MOCOS: variants seen among roughly 807,000 people sequenced by gnomAD.
The protein encoded by MOCOS is human molybdenum cofactor sulfurase.
MOCOS carries 86 observed loss-of-function variants against 83.6 expected under a neutral mutation model. The ratio of observed to expected loss-of-function variants is 1.03; its 90% CI spans 0.86 to 1.23. The LOEUF (loss-of-function observed/expected upper bound fraction) is 1.23. MOCOS is among the 50% of genes most tolerant of loss of function. MOCOS has a pLI of 0.00. For missense variants in MOCOS, 1,120 were observed against 1,126.9 expected (o/e 0.99, Z 0.09); for synonymous variants, 445 against 434.7 (o/e 1.02, Z -0.29).
chr18:36,246,300 T>C (rs2091601854), intron 9 of MOCOS, among the ~76,000 whole-genome samples: 1 of 152,216 alleles, frequency 6.6e-6, no homozygotes, highest in African/African-American at 2.4e-5. Context: ...ATTCACATTC[T>C]TTTGTCCCAG....
chr18:36,196,501 C>T (rs1370544160), intron 2 of MOCOS, among the ~76,000 whole-genome samples: 4 of 152,110 alleles, frequency 2.6e-5, no homozygotes, highest in African/African-American at 7.2e-5. Flanking sequence ...CCTTAGCCTC[C>T]ACCAGAGTGC....
At chr18:36,221,261 T>C (rs2091494898) in intron 9 of MOCOS, among the ~76,000 whole-genome samples, 1 of 152,248 alleles carries the variant, frequency 6.6e-6, no homozygotes, top group South Asian at 2.1e-4. Context: ...AATAGCTACG[T>C]GTAGCTATGC....
rs2091473667 is a variant in MOCOS at position 36,215,709 on chromosome 18, C to T, written c.1529C>T (p.Ala510Val). ...CATGCTGACACCGGGGAGACTGGAG[C>T]CCCATCAGCAGACAGCCAGGCTGAT... ...QAHADTGETG[A>V]PSADSQADVI... Residue 510 changes from alanine (A) to valine (V), a missense_variant, in exon 8 of 15, where the codon GCC becomes GTC. Coordinates refer to ENST00000261326, the MANE Select transcript of MOCOS (RefSeq NM_017947.4). 8 of 1,614,044 alleles carry T rather than the reference C, an allele frequency of 5.0e-6. No homozygotes were observed. Among genetic ancestry groups the T allele is most frequent in the Admixed American group, 1.7e-5 (1 of 60,010 alleles).
intron 8 of MOCOS, among the ~76,000 whole-genome samples, chr18:36,218,477 C>A (rs75043779): frequency 0.024 from 3,687 of 152,210 alleles, 91 homozygotes; most frequent in Non-Finnish European, 0.038. Context: ...TGCTGAAAGA[C>A]TTCTTACTTG....
chr18:36,197,464 C>G (rs2091393604), intron 2 of MOCOS, among the ~76,000 whole-genome samples: 2 of 144,066 alleles, frequency 1.4e-5, no homozygotes, highest in African/African-American at 5.1e-5. Flanking sequence ...TTTTTTTTAA[C>G]TATATCATAA....
chr18:36,187,871 T>C (rs1476660633), intron 1 of MOCOS, among the ~76,000 whole-genome samples, 190 bp downstream of exon 1: 2 of 152,206 alleles, frequency 1.3e-5, no homozygotes, highest in African/African-American at 4.8e-5. Flanking sequence ...CCAAGGCTTC[T>C]TGCTACTCTT....
chr18:36,255,232 C>T (rs954453428), intron 11 of MOCOS, among the ~76,000 whole-genome samples: 6 of 152,250 alleles, frequency 3.9e-5, no homozygotes, highest in Middle Eastern at 3.4e-3. Context: ...TCTTCTGAGA[C>T]GCTTAAATAA....
intron 9 of MOCOS, among the ~76,000 whole-genome samples, chr18:36,240,509 C>T (rs1352898080): frequency 1.3e-5 from 2 of 149,948 alleles, no homozygotes; most frequent in African/African-American, 4.9e-5. Flanking sequence ...TCTCCAGCTG[C>T]GTGCTGGGAG....
At chr18:36,206,997 C>G (rs565641700) in intron 6 of MOCOS, among the ~76,000 whole-genome samples, 1 of 152,066 alleles carries the variant, frequency 6.6e-6, no homozygotes, top group Non-Finnish European at 1.5e-5. Context: ...GGGTATATAC[C>G]AGTAATTTAA....
intron 8 of MOCOS, among the ~76,000 whole-genome samples, chr18:36,216,897 A>G (rs921832229): frequency 1.3e-5 from 2 of 152,214 alleles, no homozygotes; most frequent in Non-Finnish European, 2.9e-5. Context: ...TGTACAGAGA[A>G]GAACATAGCG....
In MOCOS at chr18:36,266,637, T is replaced by G. The variant is rs1240065870; in HGVS notation, c.2410-112T>G. ...GCAGAGACGGTGAACAGGTGCCACGTTCTGGCTCTCCATAGTTAGGGGACT... is the reference window on the plus strand; with the variant it reads ...GCAGAGACGGTGAACAGGTGCCACGGTCTGGCTCTCCATAGTTAGGGGACT... On this transcript the variant is annotated intron_variant, in intron 13 of 14. Coordinates refer to ENST00000261326, the MANE Select transcript of MOCOS (RefSeq NM_017947.4). 5 of 881,810 alleles carry G rather than the reference T, an allele frequency of 5.7e-6. No homozygotes were observed. The Admixed American group carries it at 5.9e-5, about 10-fold the overall frequency. The allele number at this position is 881,810 out of a possible 1,614,324, so 54.6% of individuals were successfully genotyped here. A position where few individuals can be genotyped will look rare whatever the true frequency, so the allele number is the denominator to read the frequency against.
chr18:36,189,317 T>C (rs565942725), intron 1 of MOCOS, among the ~76,000 whole-genome samples: 1 of 152,298 alleles, frequency 6.6e-6, no homozygotes, highest in Admixed American at 6.5e-5. Flanking sequence ...GCATCTTTTA[T>C]TTAATGCAAG....
At chr18:36,213,972 T>TG (rs2091465668) in intron 7 of MOCOS, among the ~76,000 whole-genome samples, 2 of 148,964 alleles carry the variant, frequency 1.3e-5, no homozygotes, top group African/African-American at 4.9e-5. Flanking sequence ...CCGGGCACGG[T>TG]GGCTCATGCC....
rs58430324 is a variant in MOCOS at position 36,251,352 on chromosome 18, C to T, written c.2164+69C>T. 2.9e-3 allele frequency: 4,618 copies of T among 1,573,196 alleles called. 108 individuals carry two copies. In the African/African-American group the frequency reaches 0.054, roughly 18 times the overall value. Reference sequence around the variant, plus strand: ...TTACCCTTGCACACATCAAAACAGCCCATGAACTGCACTTACGGGTGACTT... The same window carrying T: ...TTACCCTTGCACACATCAAAACAGCTCATGAACTGCACTTACGGGTGACTT... On this transcript the variant is annotated intron_variant, in intron 11 of 14. Transcript: ENST00000261326.
chr18:36,198,566 T>C, intron 2 of MOCOS, 124 bp from the exon 3 acceptor site: 1 of 890,508 alleles, frequency 1.1e-6, no homozygotes, highest in Non-Finnish European at 1.9e-6. Context: ...AGGAGTGGAA[T>C]TGTTAGGTGA....
chr18:36,195,390 G>T, intron 2 of MOCOS, 44 bp downstream of exon 2: 1 of 1,473,750 alleles, frequency 6.8e-7, no homozygotes, highest in Non-Finnish European at 9.5e-7. Context: ...ACTACATGCA[G>T]CTGATATACC....
rs1313313056 is a variant in MOCOS, at chr18:36,269,543, C to G, written c.*858C>G. The G allele has an allele frequency of 1.3e-5, 2 of 152,278 alleles. No individual in the cohort carries two copies. Among genetic ancestry groups the G allele is most frequent in the Admixed American group, 1.3e-4 (2 of 15,274 alleles). 9.4% of individuals were successfully genotyped at this position (152,278 alleles called of 1,614,324 possible). On this transcript the variant is annotated 3_prime_UTR_variant, in exon 15 of 15. Coordinates refer to ENST00000261326, the MANE Select transcript of MOCOS (RefSeq NM_017947.4). ...ATGAAAATGTCCAGTGAGGAAATCT[C>G]ATTCTCTAATGAAGTTACCCATCCC...
intron 6 of MOCOS, among the ~76,000 whole-genome samples, chr18:36,207,358 T>A (rs2091438613): frequency 6.6e-6 from 1 of 152,180 alleles, no homozygotes; most frequent in Admixed American, 6.6e-5. Context: ...TGTTTTAAAT[T>A]CTTTTAGAAA....
At position 36,257,138 on chromosome 18, in the gene MOCOS, G is replaced by A. The variant is rs1170449442; in HGVS notation, c.2270+65G>A. 4 of 1,365,666 alleles carry A rather than the reference G, an allele frequency of 2.9e-6. No homozygotes were observed. In the African/African-American group the frequency reaches 4.3e-5, roughly 15 times the overall value. 84.6% of individuals were successfully genotyped at this position (1,365,666 alleles called of 1,614,324 possible). On this transcript the variant is annotated intron_variant, in intron 12 of 14. Coordinates refer to ENST00000261326, the MANE Select transcript of MOCOS (RefSeq NM_017947.4). ...CATTTGCCACTGGGAGCAGGGCCTG[G>A]CACCTGCCTGGAGCGGAGAGATCTG...
Sources: allele counts gnomAD v4.1 joint callset (sites outside exome capture counted in the v4.1 genomes callset), GRCh38; gene constraint gnomAD v4.1.1; transcripts MANE v1.5; gene names NCBI Gene and HGNC (gene_info 2026-07-23, HGNC 2026-07-21).